STK32C: variants seen among roughly 807,000 people sequenced by gnomAD.
The protein encoded by STK32C is serine/threonine kinase 32C.
Under a neutral mutation model 56.5 loss-of-function variants are expected in STK32C, and 31 were observed. That is an observed-to-expected ratio of 0.55 (90% CI 0.41 to 0.74). STK32C has a LOEUF of 0.74. Among genes scored for constraint, STK32C ranks in the 30% least tolerant of loss-of-function variants. STK32C has a pLI of 0.00. For synonymous variants in STK32C, 309 were observed against 289.4 expected (o/e 1.07, Z -0.69); for missense variants, 544 against 676.9 (o/e 0.80, Z 2.18).
chr10:132,246,797 C>T (rs912341222), intron 1 of STK32C, among the ~76,000 whole-genome samples: 4 of 152,134 alleles, frequency 2.6e-5, no homozygotes, highest in Non-Finnish European at 5.9e-5. Flanking sequence ...CACCCCCTGG[C>T]CTCCAGGACG....
intron 1 of STK32C, among the ~76,000 whole-genome samples, chr10:132,272,015 G>T (rs1564764123): frequency 3.3e-5 from 5 of 152,228 alleles, no homozygotes; most frequent in Admixed American, 2.6e-4. Context: ...CAGCTCAGCT[G>T]AAATGGGGAA....
rs150897874 is a variant in STK32C, at chr10:132,235,325, G to A, written c.319-7197C>T. ...ATCCTGGACAACATGGTAAAACCCC[G>A]TCTCTACTAAAATACAAAAAATTAG... On this transcript the variant is annotated intron_variant, in intron 2 of 11. Coordinates refer to ENST00000298630, the MANE Select transcript of STK32C (RefSeq NM_173575.4). Among the ~76,000 whole-genome samples the A allele has an allele frequency of 3.8e-4, 58 of 151,914 alleles. No homozygotes were observed. In the East Asian group the frequency reaches 9.5e-3, roughly 25 times the overall value.
chr10:132,320,210 G>A (rs755455214), downstream of STK32C, among the ~76,000 whole-genome samples: 4 of 152,120 alleles, frequency 2.6e-5, no homozygotes, highest in Non-Finnish European at 5.9e-5. Flanking sequence ...GGTGGGGGGT[G>A]TGCAGGATGG....
rs532724562 is a variant in STK32C at position 132,273,364 on chromosome 10, G to A, written c.263-27409C>T. Among the ~76,000 whole-genome samples the A allele has an allele frequency of 6.6e-5, 10 of 152,278 alleles. No homozygotes were observed. The East Asian group carries it at 1.9e-3, about 29-fold the overall frequency. ...ACTGCAGGTGTCTGTGGGGCTCAGGGAGATATCACTGCAGTACCTCCTCCA... is the reference window on the plus strand; with the variant it reads ...ACTGCAGGTGTCTGTGGGGCTCAGGAAGATATCACTGCAGTACCTCCTCCA... On this transcript the variant is annotated intron_variant, in intron 1 of 11. Transcript: ENST00000298630.
intron 1 of STK32C, among the ~76,000 whole-genome samples, chr10:132,274,282 G>A (rs1330540000): frequency 3.3e-5 from 5 of 152,216 alleles, no homozygotes; most frequent in East Asian, 1.9e-4. Context: ...GGACTCACAC[G>A]AGGGTAATGT....
chr10:132,225,383 C>T (rs554645198), intron 6 of STK32C, 47 bp from the exon 7 acceptor site: 35 of 1,587,496 alleles, frequency 2.2e-5, no homozygotes, highest in African/African-American at 2.0e-4. Context: ...GGTCACAGCC[C>T]GGACCCGTGG....
chr10:132,268,331 G>A (rs548833765), intron 1 of STK32C, among the ~76,000 whole-genome samples: 47 of 151,036 alleles, frequency 3.1e-4, no homozygotes, highest in African/African-American at 1.1e-3. Context: ...GTCGGTGTGT[G>A]TGCATGCATG....
chr10:132,331,682 C>G, exon 1 of STK32C: 1 of 1,612,796 alleles, frequency 6.2e-7, no homozygotes, highest in East Asian at 2.2e-5. Context: ...CTCGGCTGTC[C>G]TCGAGCAGCC....
At position 132,207,659 on chromosome 10, in the gene STK32C, C is replaced by T. The variant is rs2062141801; in HGVS notation, c.*351G>A. 4.6e-6 allele frequency: 1 copy of T among 219,066 alleles called. No individual in the cohort carries two copies. The highest frequency in any genetic ancestry group is 8.9e-6 in the Non-Finnish European group (1 of 112,290). The allele number at this position is 219,066 out of a possible 1,614,324, so 13.6% of individuals were successfully genotyped here. On this transcript the variant is annotated 3_prime_UTR_variant, in exon 12 of 12. Coordinates refer to ENST00000298630, the MANE Select transcript of STK32C (RefSeq NM_173575.4). ...CCCGCGGCCTGTGCTGCAAGGGTCA[C>T]CTTGTGACGAGGGCCGTGCACAGCC...
intron 1 of STK32C, among the ~76,000 whole-genome samples, chr10:132,256,775 C>T (rs1208453120): frequency 6.6e-6 from 1 of 152,238 alleles, no homozygotes; most frequent in Non-Finnish European, 1.5e-5. Context: ...GGCCGCCTGG[C>T]CCTGCAGCAG....
chr10:132,299,965 C>T (rs991658034), intron 1 of STK32C, among the ~76,000 whole-genome samples: 7 of 152,204 alleles, frequency 4.6e-5, no homozygotes, highest in Non-Finnish European at 1.0e-4. Flanking sequence ...ATGGAGTAGG[C>T]GGCACCAAAA....
At chr10:132,283,746 G>A (rs755189177) in intron 1 of STK32C, among the ~76,000 whole-genome samples, 112 of 152,254 alleles carry the variant, frequency 7.4e-4, no homozygotes, top group Non-Finnish European at 1.5e-3. Flanking sequence ...TGCCATACAC[G>A]TCCGACTCCG....
intron 1 of STK32C, among the ~76,000 whole-genome samples, chr10:132,278,585 C>T (rs2065057261): frequency 6.6e-6 from 1 of 151,688 alleles, no homozygotes; most frequent in African/African-American, 2.4e-5. Context: ...CACGGTGAAA[C>T]CCCATCTCTA....
chr10:132,259,772 C>T (rs1468257641), intron 1 of STK32C, among the ~76,000 whole-genome samples: 2 of 152,232 alleles, frequency 1.3e-5, no homozygotes, highest in African/African-American at 2.4e-5. Context: ...GGACTAATAA[C>T]CACCATCTCA....
intron 1 of STK32C, among the ~76,000 whole-genome samples, chr10:132,248,356 G>A (rs1462538190): frequency 6.6e-6 from 1 of 152,226 alleles, no homozygotes; most frequent in South Asian, 2.1e-4. Context: ...GACAGACCTC[G>A]GAGTCTGCGG....
At position 132,268,558 on chromosome 10, in the gene STK32C, T is replaced by TGTGTGTGC. The variant is rs1279362200; in HGVS notation, c.263-22604_263-22603insGCACACAC. On this transcript the variant is annotated intron_variant, in intron 1 of 11. Coordinates refer to ENST00000298630, the MANE Select transcript of STK32C (RefSeq NM_173575.4). Reference sequence around the variant, plus strand: ...GTCACATTGTGTGTGTGTGTGTGTGTGTGCCTGCGTGTGTACATGCATGTG... The same window carrying TGTGTGTGC: ...GTCACATTGTGTGTGTGTGTGTGTGTGTGTGTGCGTGCCTGCGTGTGTACATGCATGTG... Among the ~76,000 whole-genome samples, 811 of 143,138 alleles carry TGTGTGTGC rather than the reference T, an allele frequency of 5.7e-3. 13 individuals are homozygous for TGTGTGTGC. Among genetic ancestry groups the TGTGTGTGC allele is most frequent in the African/African-American group, 0.02 (747 of 38,120 alleles). 93.9% of individuals were successfully genotyped at this position (143,138 alleles called of 152,430 possible).
rs1210610557 is a variant in STK32C at position 132,225,111 on chromosome 10, C to CA, written c.876+121dup. ...ACACTTCGATAAAAGCGTGACTCCT[C>CA]AGACACAGTGGAGACATCCCTGCGC... is the stretch of plus-strand genomic sequence containing the variant. On this transcript the variant is annotated intron_variant, in intron 7 of 11. Coordinates refer to ENST00000298630, the MANE Select transcript of STK32C (RefSeq NM_173575.4). The CA allele has an allele frequency of 5.5e-6, 4 of 724,680 alleles. No individual in the cohort carries two copies. The African/African-American group carries it at 7.2e-5, about 13-fold the overall frequency. The allele number at this position is 724,680 out of a possible 1,614,324, so 44.9% of individuals were successfully genotyped here.
chr10:132,302,505 G>A (rs897619771), intron 1 of STK32C, among the ~76,000 whole-genome samples: 6 of 152,128 alleles, frequency 3.9e-5, no homozygotes, highest in African/African-American at 7.2e-5. Context: ...AACATGTGAC[G>A]GGGTGCCCGG....
chr10:132,284,415 G>A (rs1451558193), intron 1 of STK32C, among the ~76,000 whole-genome samples: 2 of 119,108 alleles, frequency 1.7e-5, no homozygotes, highest in African/African-American at 3.2e-5. Flanking sequence ...GGGCAGGTGA[G>A]GTTGGGGGGG....
Sources: allele counts gnomAD v4.1 joint callset (sites outside exome capture counted in the v4.1 genomes callset), GRCh38; gene constraint gnomAD v4.1.1; transcripts MANE v1.5; gene names NCBI Gene and HGNC (gene_info 2026-07-23, HGNC 2026-07-21).